The following RBFOX1 variants were observed in gnomAD, a reference collection of about 807,000 sequenced individuals.
RBFOX1 encodes RNA binding protein fox-1 homolog 1.
In RBFOX1, 8 loss-of-function variants were observed where a neutral mutation model predicts 57.7. The observed-to-expected ratio is 0.14, with a 90% CI of 0.08 to 0.25. The LOEUF (loss-of-function observed/expected upper bound fraction) is 0.25, where lower values mean the gene tolerates loss of function less well. Ranked by LOEUF, RBFOX1 falls within the 10% of genes least tolerant of loss-of-function variation. RBFOX1 has a pLI of 1.00. For missense variants in RBFOX1, 611 were observed against 548.5 expected (o/e 1.11, Z -1.14); for synonymous variants, 326 against 222.4 (o/e 1.47, Z -4.15).
intron 4 of RBFOX1, among the ~76,000 whole-genome samples, chr16:7,192,472 T>G (rs2085652565): frequency 6.6e-6 from 1 of 152,184 alleles, no homozygotes; most frequent in African/African-American, 2.4e-5. Flanking sequence ...TGGAATGTAG[T>G]AAAGTACTTA....
intron 3 of RBFOX1, among the ~76,000 whole-genome samples, chr16:6,655,249 C>G (rs1189227206): frequency 6.6e-6 from 1 of 151,200 alleles, no homozygotes; most frequent in Non-Finnish European, 1.5e-5. Context: ...TGGCACATGC[C>G]TGTAATCCCA....
At chr16:6,103,575 C>T (rs544855987) in intron 1 of RBFOX1, among the ~76,000 whole-genome samples, 5 of 152,208 alleles carry the variant, frequency 3.3e-5, no homozygotes, top group African/African-American at 1.2e-4. Flanking sequence ...CAAGTGATAA[C>T]AAGCAGATTC....
At chr16:6,201,012 T>G (rs1398349754) in intron 1 of RBFOX1, among the ~76,000 whole-genome samples, 1 of 151,980 alleles carries the variant, frequency 6.6e-6, no homozygotes, top group Non-Finnish European at 1.5e-5. Context: ...CTCAAATCGT[T>G]CCCTAGTTTT....
intron 4 of RBFOX1, among the ~76,000 whole-genome samples, chr16:5,920,183 C>A (rs561977515): frequency 6.6e-6 from 1 of 152,232 alleles, no homozygotes; most frequent in African/African-American, 2.4e-5. Context: ...ATCCACCTGC[C>A]TTGGCCTCCC....
intron 3 of RBFOX1, among the ~76,000 whole-genome samples, chr16:7,019,966 C>T (rs1439640083): frequency 1.3e-5 from 2 of 151,408 alleles, no homozygotes; most frequent in Non-Finnish European, 2.9e-5. Flanking sequence ...TATTCCCTTT[C>T]TTCTGGCTCT....
At chr16:6,824,673 A>C (rs893698183) in intron 3 of RBFOX1, among the ~76,000 whole-genome samples, 1 of 152,160 alleles carries the variant, frequency 6.6e-6, no homozygotes, top group African/African-American at 2.4e-5. Context: ...TTCATCACTC[A>C]CTACCTTGAA....
chr16:5,493,594 C>G (rs1172126582), intron 2 of RBFOX1, among the ~76,000 whole-genome samples: 1 of 152,206 alleles, frequency 6.6e-6, no homozygotes, highest in East Asian at 1.9e-4. Flanking sequence ...TCCATACACA[C>G]CTATCATGGG....
At chr16:5,289,646 C>A (rs1023938212) in intron 1 of RBFOX1, among the ~76,000 whole-genome samples, 2 of 152,168 alleles carry the variant, frequency 1.3e-5, no homozygotes, top group South Asian at 4.1e-4. Flanking sequence ...TATTTCATCA[C>A]ATTTAGTGTG....
chr16:7,377,453 T>C (rs563756989), intron 4 of RBFOX1, among the ~76,000 whole-genome samples: 2 of 152,324 alleles, frequency 1.3e-5, no homozygotes, highest in African/African-American at 4.8e-5. Context: ...CATTAAGATA[T>C]ATTCAATATG....
intron 4 of RBFOX1, among the ~76,000 whole-genome samples, chr16:7,262,384 C>T (rs2094952688): frequency 3.9e-5 from 6 of 152,000 alleles, no homozygotes; most frequent in Admixed American, 3.9e-4. Context: ...TTTCCTTTTG[C>T]TGGGTGTACC....
At chr16:6,330,237 A>G (rs1453163783) in intron 2 of RBFOX1, among the ~76,000 whole-genome samples, 1 of 152,186 alleles carries the variant, frequency 6.6e-6, no homozygotes, top group Non-Finnish European at 1.5e-5. Context: ...TTATTATTCA[A>G]AGCACATGGT....
intron 4 of RBFOX1, among the ~76,000 whole-genome samples, chr16:7,350,796 A>C (rs745445281): frequency 2.0e-5 from 3 of 152,204 alleles, no homozygotes; most frequent in Non-Finnish European, 4.4e-5. Flanking sequence ...TAATGGAATG[A>C]GAGGTAGAGG....
chr16:6,288,342 C>T (rs2077105205), intron 1 of RBFOX1, among the ~76,000 whole-genome samples: 2 of 152,094 alleles, frequency 1.3e-5, no homozygotes, highest in African/African-American at 2.4e-5. Context: ...AGATCTTGTT[C>T]AAATATAGAT....
At chr16:6,393,278 A>G (rs1032688719) in intron 2 of RBFOX1, among the ~76,000 whole-genome samples, 1 of 152,206 alleles carries the variant, frequency 6.6e-6, no homozygotes, top group Non-Finnish European at 1.5e-5. Context: ...AAGAAACTCA[A>G]TCACAACTAT....
chr16:6,838,087 T>C (rs1462797277), intron 3 of RBFOX1, among the ~76,000 whole-genome samples: 1 of 152,040 alleles, frequency 6.6e-6, no homozygotes, highest in African/African-American at 2.4e-5. Flanking sequence ...GGTATACATG[T>C]GTTGTGGTGG....
intron 4 of RBFOX1, among the ~76,000 whole-genome samples, chr16:7,220,635 T>A (rs1299276379): frequency 1.3e-5 from 2 of 152,196 alleles, no homozygotes; most frequent in East Asian, 3.9e-4. Context: ...GAGGACTTGT[T>A]ACCTGGACTT....
At chr16:6,735,880 G>A (rs1162429514) in intron 3 of RBFOX1, among the ~76,000 whole-genome samples, 1 of 151,892 alleles carries the variant, frequency 6.6e-6, no homozygotes, top group African/African-American at 2.4e-5. Flanking sequence ...TGAGACCTCT[G>A]GAAATAAGCA....
intron 3 of RBFOX1, among the ~76,000 whole-genome samples, chr16:6,680,125 TA>T: frequency 6.6e-6 from 1 of 152,152 alleles, no homozygotes; most frequent in Non-Finnish European, 1.5e-5. Flanking sequence ...AATGGGGTCA[TA>T]GAAGGACTAC....
chr16:7,287,022 G>A (rs546199081), intron 4 of RBFOX1, among the ~76,000 whole-genome samples: 17 of 152,302 alleles, frequency 1.1e-4, no homozygotes, highest in East Asian at 3.9e-4. Context: ...CAGGCAATGC[G>A]TGATAGAAGC....
Sources: gnomAD v4.1 joint callset for allele counts (sites outside exome capture counted in the v4.1 genomes callset) on GRCh38, gnomAD v4.1.1 for gene constraint, MANE v1.5 for transcripts, NCBI Gene and HGNC (gene_info 2026-07-23, HGNC 2026-07-21) for gene names.